TTN: variants seen among roughly 807,000 people sequenced by gnomAD.
TTN encodes the protein connectin.
In TTN, 1,525 loss-of-function variants were observed where a neutral mutation model predicts 3,223.0. That is an observed-to-expected ratio of 0.47 (90% CI 0.45 to 0.49). The LOEUF (loss-of-function observed/expected upper bound fraction) is 0.49, where lower values mean the gene tolerates loss of function less well. Ranked by LOEUF, TTN falls within the 20% of genes least tolerant of loss-of-function variation. The pLI is 0.00. For synonymous variants in TTN, 14,094 were observed against 15,161.0 expected (o/e 0.93, Z 5.17); for missense variants, 40,786 against 43,424.0 (o/e 0.94, Z 5.40).
chr2:178,773,184 T>C lies in TTN; in HGVS notation c.7780A>G (p.Met2594Val), dbSNP rs913684550. The C allele has an allele frequency of 3.1e-6, 5 of 1,613,688 alleles. No homozygotes were observed. The highest frequency in any genetic ancestry group is 4.2e-6 in the Non-Finnish European group (5 of 1,179,878). The stretch of plus-strand genomic sequence containing the variant: ...TATTTTCCTTCATCATCTTTCATCA[T>C]ATTTAGAACTGTCAATTTATATATT... ...GKIYKLTVLN[M>V]MKDDEGKYTF... The change falls in exon 33 of 363, where the codon ATG becomes GTG. Residue 2594 changes from methionine (M) to valine (V), a missense_variant. Met to Val is a conservative substitution (Grantham distance 21). Transcript: ENST00000589042.
intron 109 of TTN, 120 bp downstream of exon 109, chr2:178,701,920 T>C (rs2075071315): frequency 1.7e-5 from 18 of 1,067,140 alleles, no homozygotes; most frequent in Non-Finnish European, 2.3e-5. Context: ...AACAGTTTTA[T>C]TGAAAAATAT....
Position 178,715,621 on chromosome 2 carries a change from A to G in TTN, c.25793T>C (p.Met8598Thr). 1 of 1,613,626 alleles carries G rather than the reference A, an allele frequency of 6.2e-7. No individual in the cohort carries two copies. The highest frequency in any genetic ancestry group is 8.5e-7 in the Non-Finnish European group (1 of 1,179,674). The change falls in exon 89 of 363, where the codon ATG becomes ACG. Residue 8598 changes from methionine to threonine, a missense_variant. Coordinates refer to ENST00000589042, the MANE Select transcript of TTN (RefSeq NM_001267550.2). Reference protein sequence around the residue: ...TEIQESSKFRMSFVDSVAVLE... With the variant: ...TEIQESSKFRTSFVDSVAVLE... ...CACAGCCACCGAGTCAACGAATGACATTCTGAATTTACTGCTCTCTTGAAT... is the reference window on the plus strand; with the variant it reads ...CACAGCCACCGAGTCAACGAATGACGTTCTGAATTTACTGCTCTCTTGAAT...
rs775184645 is a variant in TTN at position 178,594,040 on chromosome 2, A to T, written c.58353T>A (p.Arg19451=). 9 of 1,613,572 alleles carry T rather than the reference A, an allele frequency of 5.6e-6. No homozygotes were observed. The highest frequency in any genetic ancestry group is 4.4e-5 in the South Asian group (4 of 91,068). ...CCACACAGTATTTGCCGGAATCTGA[A>T]CGTTTGGCCTTGATCTTCTCTAAAG... ...TLALEKIKAK[R]SDSGKYCVVV... The change falls in exon 297 of 363, where the codon CGT becomes CGA. Residue 19451 remains arginine, a synonymous_variant. Coordinates refer to ENST00000589042, the MANE Select transcript of TTN (RefSeq NM_001267550.2).
Position 178,715,250 on chromosome 2 carries a change from G to A in TTN, c.25936C>T (p.Arg8646Cys), listed in dbSNP as rs72648987. 30,196 of 1,601,274 alleles carry A rather than the reference G, an allele frequency of 0.019. 339 individuals are homozygous for A. Among genetic ancestry groups the A allele is most frequent in the Non-Finnish European group, 0.021 (24,570 of 1,174,306 alleles). Residue 8646 changes from arginine (R) to cysteine (C), a missense_variant, in exon 90 of 363, where the codon CGC becomes TGC. By Grantham distance (180) the Arg-to-Cys change is radical (BLOSUM62 -3). Transcript: ENST00000589042. ...GTCTCTATAGGATGAGGCTTTTTGC[G>A]GAAAATGGGTGGTTCTAAAATTGGA... ...SLKVKEPPIF[R>C]KKPHPIETLK...
chr2:178,600,082 A>ATAATGATG (rs2052903457), intron 288 of TTN, among the ~76,000 whole-genome samples: 1 of 151,812 alleles, frequency 6.6e-6, no homozygotes, highest in African/African-American at 2.4e-5. Flanking sequence ...TGCTTGCCTC[A>ATAATGATG]CTTTATTTGG....
At chr2:178,595,830 A>G in intron 294 of TTN, 21 bp from the exon 295 acceptor site, 1 of 1,563,628 alleles carries the variant, frequency 6.4e-7, no homozygotes, top group Non-Finnish European at 8.7e-7. Context: ...GAAGAAAATA[A>G]TTCAAGCTGT....
intron 156 of TTN, 100 bp from the exon 157 acceptor site, chr2:178,670,395 A>G (rs2066774442): frequency 1.8e-6 from 1 of 554,876 alleles, no homozygotes; most frequent in African/African-American, 2.0e-5. Flanking sequence ...CACAGCAACA[A>G]TATAAAATGC....
In TTN at chr2:178,637,148, T is replaced by TATAC. The variant is rs2060551793; in HGVS notation, c.40927+220_40927+221insGTAT. On this transcript the variant is annotated intron_variant, in intron 224 of 362. Coordinates refer to ENST00000589042, the MANE Select transcript of TTN (RefSeq NM_001267550.2). ...TTCACTATGCTAAAATATAGTTGGA[T>TATAC]ATATATATATATATATATATATATA... Among the ~76,000 whole-genome samples the TATAC allele has an allele frequency of 9.1e-5, 4 of 43,984 alleles. 1 individual carries two copies. Among genetic ancestry groups the TATAC allele is most frequent in the Non-Finnish European group, 1.4e-4 (3 of 21,882 alleles). The allele number at this position is 43,984 out of a possible 152,430, so 28.9% of individuals were successfully genotyped here.
chr2:178,591,939 A>T, intron 302 of TTN, 39 bp downstream of exon 302: 1 of 1,606,880 alleles, frequency 6.2e-7, no homozygotes, highest in Non-Finnish European at 8.5e-7. Flanking sequence ...TCTTAAAGAC[A>T]GTCAAACAAT....
At position 178,723,330 on chromosome 2, in the gene TTN, A is replaced by C; in HGVS notation, c.21683-6T>G. The C allele has an allele frequency of 6.2e-7, 1 of 1,610,624 alleles. No homozygotes were observed. Among genetic ancestry groups the C allele is most frequent in the Non-Finnish European group, 8.5e-7 (1 of 1,178,164 alleles). ...CTTCAAAAATGCAGCTGGTTCTAGT[A>C]AGTGACAAAGCACAGCAGTTAAACA... On this transcript the variant is annotated splice_region_variant and splice_polypyrimidine_tract_variant and intron_variant, in intron 74 of 362. Transcript: ENST00000589042.
chr2:178,727,434 A>G lies in TTN; in HGVS notation c.19994-63T>C, dbSNP rs2255480. The G allele has an allele frequency of 0.027, 41,581 of 1,514,544 alleles. 1,327 individuals are homozygous for G. The highest frequency in any genetic ancestry group is 0.19 in the East Asian group (8,371 of 43,898). The allele number at this position is 1,514,544 out of a possible 1,614,324, so 93.8% of individuals were successfully genotyped here. Reference sequence around the variant, plus strand: ...AAATAAATAACAATAGTTAAATTAGATAGTATACAGGCAAGAGAAAAACAT... The same window carrying G: ...AAATAAATAACAATAGTTAAATTAGGTAGTATACAGGCAAGAGAAAAACAT... On this transcript the variant is annotated intron_variant, in intron 68 of 362. Coordinates refer to ENST00000589042, the MANE Select transcript of TTN (RefSeq NM_001267550.2).
intron 327 of TTN, 27 bp from the exon 328 acceptor site, chr2:178,558,262 G>A (rs764734918): frequency 1.3e-6 from 2 of 1,589,480 alleles, no homozygotes; most frequent in Non-Finnish European, 1.7e-6. Flanking sequence ...GAAAGTGAAA[G>A]TGAAAAAGTG....
At position 178,600,897 on chromosome 2, in the gene TTN, C is replaced by G; in HGVS notation, c.56007G>C (p.Lys18669Asn). The G allele has an allele frequency of 6.2e-7, 1 of 1,612,890 alleles. No individual in the cohort carries two copies. Among genetic ancestry groups the G allele is most frequent in the Middle Eastern group, 1.7e-4 (1 of 6,048 alleles). The change falls in exon 288 of 363, where the codon AAG becomes AAC. Residue 18669 changes from lysine (K) to asparagine (N), a missense_variant. Transcript: ENST00000589042. ...TCACAGGGCCAACAGTGGCTGAAGGCTTGCTGACTCCTGCAGCATTGACAG... is the reference window on the plus strand; with the variant it reads ...TCACAGGGCCAACAGTGGCTGAAGGGTTGCTGACTCCTGCAGCATTGACAG... ...VKAVNAAGVS[K>N]PSATVGPVTV...
chr2:178,630,532 G>A (rs150082902), intron 238 of TTN, among the ~76,000 whole-genome samples, 165 bp from the exon 239 acceptor site: 3 of 152,138 alleles, frequency 2.0e-5, no homozygotes, highest in Non-Finnish European at 2.9e-5. Flanking sequence ...AGTACTAAGA[G>A]GAAAGCCACA....
rs56025724 is a variant in TTN, at chr2:178,595,522, T to C, written c.57832A>G (p.Ile19278Val). Residue 19278 changes from isoleucine (I) to valine (V), a missense_variant, in exon 295 of 363, where the codon ATC (isoleucine) becomes GTC (valine). Physicochemically the swap from Ile to Val is conservative, Grantham distance 29. Transcript: ENST00000589042. ...PFVETSEALV[I>V]REPITVPERP... ...TTTTACTTACTTATTGGCTCTCTGA[T>C]AACAAGTGCCTCTGATGTCTCAACA... The C allele has an allele frequency of 7.7e-6, 12 of 1,557,586 alleles. No individual in the cohort carries two copies. In the East Asian group the frequency reaches 2.6e-4, roughly 34 times the overall value.
At position 178,565,128 on chromosome 2, in the gene TTN, C is replaced by T. The variant is rs755052544; in HGVS notation, c.81004G>A (p.Gly27002Ser). Reference protein sequence around the residue: ...ISWEPPAYTGGCQISNYIVEK... With the variant: ...ISWEPPAYTGSCQISNYIVEK... ...ACAATGTAGTTGCTTATTTGGCAGC[C>T]ACCAGTATAGGCTGGAGGTTCCCAA... Residue 27002 changes from glycine to serine, a missense_variant, in exon 326 of 363, where the codon GGC becomes AGC. Transcript: ENST00000589042. 8.1e-6 allele frequency: 13 copies of T among 1,613,484 alleles called. No individual in the cohort carries two copies. The South Asian group carries it at 1.2e-4, about 15-fold the overall frequency.
Position 178,637,381 on chromosome 2 carries a change from C to A in TTN, c.40915G>T (p.Gly13639Cys), listed in dbSNP as rs1343417772. 3.4e-6 allele frequency: 5 copies of A among 1,476,860 alleles called. No homozygotes were observed. The African/African-American group carries it at 7.3e-5, about 22-fold the overall frequency. 91.5% of individuals were successfully genotyped at this position (1,476,860 alleles called of 1,614,324 possible). ...AAATGAATTTCACCTTTGATAGGAC[C>A]TTTTGGCTTGGCAGCCTCTTCCTTA... ...APKEEAAKPK[G>C]PIKGVPKKTP... The change falls in exon 224 of 363, where the codon GGT (glycine) becomes TGT (cysteine). Residue 13639 changes from glycine (G) to cysteine (C), a missense_variant. Physicochemically the swap from Gly to Cys is radical, Grantham distance 159. Coordinates refer to ENST00000589042, the MANE Select transcript of TTN (RefSeq NM_001267550.2).
intron 106 of TTN, among the ~76,000 whole-genome samples, chr2:178,703,212 G>T (rs2075302042): frequency 6.6e-6 from 1 of 152,144 alleles, no homozygotes; most frequent in Non-Finnish European, 1.5e-5. Context: ...CAAAGTATGT[G>T]TGTGGATGGC....
At chr2:178,799,970 TTC>T in intron 4 of TTN, 60 bp from the exon 5 acceptor site, 1 of 1,538,678 alleles carries the variant, frequency 6.5e-7, no homozygotes, top group South Asian at 1.1e-5. Context: ...TTAAAAGAGA[TTC>T]TGTTAATTCT....
Sources: gnomAD v4.1 joint callset for allele counts (sites outside exome capture counted in the v4.1 genomes callset) on GRCh38, gnomAD v4.1.1 for gene constraint, MANE v1.5 for transcripts, NCBI Gene and HGNC (gene_info 2026-07-23, HGNC 2026-07-21) for gene names.